ZRANB1: variants seen among roughly 807,000 people sequenced by gnomAD.
The protein encoded by ZRANB1 is ubiquitin thioesterase ZRANB1.
In ZRANB1, 16 loss-of-function variants were observed where a neutral mutation model predicts 80.5. The ratio of observed to expected loss-of-function variants is 0.20; its 90% CI spans 0.13 to 0.30. The LOEUF (loss-of-function observed/expected upper bound fraction) is 0.30. Ranked by LOEUF, ZRANB1 falls within the 10% of genes least tolerant of loss-of-function variation. The pLI is 1.00. For missense variants in ZRANB1, 576 were observed against 862.6 expected, an observed-to-expected ratio of 0.67 and a Z score of 4.16; for synonymous variants, 291 against 293.1, an observed-to-expected ratio of 0.99 and a Z score of 0.07.
In ZRANB1 at chr10:124,973,647, A is replaced by G. The variant is rs746609058; in HGVS notation, c.1159A>G (p.Ile387Val). The G allele has an allele frequency of 5.6e-6, 9 of 1,610,104 alleles. No homozygotes were observed. The East Asian group carries it at 1.8e-4, about 32-fold the overall frequency. ...TTAAGTTTGCATTTTCTTTGTAGAT[A>G]TTGAAGATTTGCCCCCAACAGTCCA... ...DLVTFTLPAD[I>V]EDLPPTVQEK... Residue 387 changes from isoleucine (I) to valine (V), a missense_variant and splice_region_variant, in exon 4 of 9, where the codon ATT becomes GTT. This residue lies in a region of ZRANB1 where 411 missense variants were observed against 583.1 expected (regional missense o/e 0.70). Coordinates refer to ENST00000359653, the MANE Select transcript of ZRANB1 (RefSeq NM_017580.3).
Position 124,985,165 on chromosome 10 carries a change from G to A in ZRANB1, c.*173G>A, listed in dbSNP as rs1187389086. 5.6e-6 allele frequency: 3 copies of A among 535,034 alleles called. No homozygotes were observed. The highest frequency in any genetic ancestry group is 9.8e-6 in the Non-Finnish European group (3 of 305,244). The allele number at this position is 535,034 out of a possible 1,614,324, so 33.1% of individuals were successfully genotyped here. ...CTTATGGAGATAATGCCTCTGCTGC[G>A]TGAGGAGACAGAGAACTTTAGTTGG... On this transcript the variant is annotated 3_prime_UTR_variant, in exon 9 of 9. Coordinates refer to ENST00000359653, the MANE Select transcript of ZRANB1 (RefSeq NM_017580.3).
At chr10:124,927,177 G>C in the ZRANB1 span, among the ~76,000 whole-genome samples, 2 of 151,968 alleles carry the variant, frequency 1.3e-5, no homozygotes, top group African/African-American at 4.8e-5. Flanking sequence ...GAATGGTCTC[G>C]ATCTCCTGAT....
chr10:124,971,192 T>G (rs369584506), intron 2 of ZRANB1, among the ~76,000 whole-genome samples: 2 of 152,238 alleles, frequency 1.3e-5, no homozygotes, highest in East Asian at 3.8e-4. Context: ...TATTTTTATT[T>G]AGCTCCACAA....
At chr10:124,964,478 A>G (rs1173178968) in intron 1 of ZRANB1, among the ~76,000 whole-genome samples, 1 of 152,236 alleles carries the variant, frequency 6.6e-6, no homozygotes, top group Non-Finnish European at 1.5e-5. Context: ...CCCTTCTTCC[A>G]AGCAAAAGAA....
the ZRANB1 span, among the ~76,000 whole-genome samples, chr10:124,916,921 C>A: frequency 6.6e-6 from 1 of 152,074 alleles, no homozygotes; most frequent in African/African-American, 2.4e-5. Flanking sequence ...TCGGCCGCCG[C>A]CATTAGGGTC....
intron 1 of ZRANB1, among the ~76,000 whole-genome samples, chr10:124,958,233 C>T (rs569717665): frequency 2.0e-5 from 3 of 152,244 alleles, no homozygotes; most frequent in South Asian, 2.1e-4. Flanking sequence ...GCATGTGCAA[C>T]GTAGCGGGAC....
chr10:124,923,039 A>C, the ZRANB1 span, among the ~76,000 whole-genome samples: 1 of 152,210 alleles, frequency 6.6e-6, no homozygotes, highest in East Asian at 1.9e-4. Context: ...CTGTGATCCC[A>C]GCACATTAGG....
the ZRANB1 span, among the ~76,000 whole-genome samples, chr10:124,931,800 T>G: frequency 6.6e-6 from 1 of 152,230 alleles, no homozygotes; most frequent in African/African-American, 2.4e-5. Flanking sequence ...GAGTGGTATA[T>G]TTGTTAACAA....
intron 1 of ZRANB1, among the ~76,000 whole-genome samples, chr10:124,950,716 C>T (rs528696779): frequency 8.5e-5 from 13 of 152,070 alleles, no homozygotes; most frequent in Non-Finnish European, 1.9e-4. Flanking sequence ...GTGGCTCAGT[C>T]CTGTAATCCC....
chr10:124,984,631 C>A, intron 8 of ZRANB1, 143 bp from the exon 9 acceptor site: 1 of 754,844 alleles, frequency 1.3e-6, no homozygotes, highest in Non-Finnish European at 2.1e-6. Flanking sequence ...ACAAAACTTC[C>A]AAGAGGTCAA....
rs539513423 is a variant in ZRANB1 at position 124,968,990 on chromosome 10, A to C, written c.1002+2209A>C. On this transcript the variant is annotated intron_variant, in intron 2 of 8. Coordinates refer to ENST00000359653, the MANE Select transcript of ZRANB1 (RefSeq NM_017580.3). The stretch of plus-strand genomic sequence containing the variant: ...CTCATGATGTCATGAGGTTGCAGTC[A>C]AGTGGTCCAGGGCTGTAGTTGTCAA... Among the ~76,000 whole-genome samples, 5 of 152,314 alleles carry C rather than the reference A, an allele frequency of 3.3e-5. No individual in the cohort carries two copies. The East Asian group carries it at 9.7e-4, about 29-fold the overall frequency.
chr10:124,954,534 A>G (rs987529800), intron 1 of ZRANB1, among the ~76,000 whole-genome samples: 2 of 144,600 alleles, frequency 1.4e-5, no homozygotes, highest in East Asian at 2.1e-4. Flanking sequence ...TGCAACCTCT[A>G]CCTTCTGGGT....
chr10:124,950,927 T>A (rs1951634051), intron 1 of ZRANB1, among the ~76,000 whole-genome samples: 1 of 152,218 alleles, frequency 6.6e-6, no homozygotes. Flanking sequence ...GGGCCATGAT[T>A]GTGTCACTGC....
At chr10:124,955,123 T>G (rs558180317) in intron 1 of ZRANB1, among the ~76,000 whole-genome samples, 28 of 151,554 alleles carry the variant, frequency 1.8e-4, no homozygotes, top group Admixed American at 5.9e-4. Flanking sequence ...AGACTCTGTC[T>G]CAAAAAAACA....
the ZRANB1 span, among the ~76,000 whole-genome samples, chr10:124,927,391 G>C: frequency 6.6e-6 from 1 of 152,198 alleles, no homozygotes; most frequent in Non-Finnish European, 1.5e-5. Context: ...ATACACTTGT[G>C]AGTGGAATTC....
chr10:124,950,077 C>G (rs747720003), intron 1 of ZRANB1, among the ~76,000 whole-genome samples: 11 of 152,102 alleles, frequency 7.2e-5, no homozygotes, highest in Non-Finnish European at 1.5e-4. Flanking sequence ...TTTGACATGT[C>G]TGTAAAGACT....
At chr10:124,924,171 T>C in the ZRANB1 span, among the ~76,000 whole-genome samples, 3 of 151,970 alleles carry the variant, frequency 2.0e-5, no homozygotes, top group African/African-American at 7.3e-5. Context: ...CCCAAAGTGC[T>C]GGGACTGCAG....
In ZRANB1 at chr10:124,984,892, T is replaced by G; in HGVS notation, c.2027T>G (p.Val676Gly). ...TCTCGGCGGCGAAATCACCCCCTGG[T>G]CACTCAGATGGTAGAAAAATGGCTT... ...KSSRRRNHPL[V>G]TQMVEKWLDR... Residue 676 changes from valine (V) to glycine (G), a missense_variant, in exon 9 of 9, where the codon GTC becomes GGC. Val to Gly is a moderately radical substitution (Grantham distance 109, BLOSUM62 -3). Transcript: ENST00000359653. 2 of 1,613,978 alleles carry G rather than the reference T, an allele frequency of 1.2e-6. No homozygotes were observed. The highest frequency in any genetic ancestry group is 1.7e-6 in the Non-Finnish European group (2 of 1,180,000).
In ZRANB1 at chr10:124,984,810, G is replaced by C; in HGVS notation, c.1945G>C (p.Glu649Gln). 6.2e-7 allele frequency: 1 copy of C among 1,613,948 alleles called. No individual in the cohort carries two copies. Among genetic ancestry groups the C allele is most frequent in the South Asian group, 1.1e-5 (1 of 91,054 alleles). The change falls in exon 9 of 9, where the codon GAG becomes CAG. Residue 649 changes from glutamate to glutamine, a missense_variant. Transcript: ENST00000359653. ...NEEQQEKLLR[E>Q]WLDCCVTEGG... ...GGAACAGCAAGAAAAACTGCTCAGG[G>C]AGTGGCTGGACTGCTGTGTGACGGA...
Sources: gnomAD v4.1 joint callset for allele counts (sites outside exome capture counted in the v4.1 genomes callset) on GRCh38, gnomAD v4.1.1 for gene constraint, gnomAD v4.1.1 regional missense constraint, MANE v1.5 for transcripts, NCBI Gene and HGNC (gene_info 2026-07-23, HGNC 2026-07-21) for gene names.